PRKAR1B: variants seen among roughly 807,000 people sequenced by gnomAD.
The protein encoded by PRKAR1B is cAMP-dependent protein kinase type I-beta regulatory subunit.
A neutral mutation model predicts 46.5 loss-of-function variants in PRKAR1B; 22 were observed. The ratio of observed to expected loss-of-function variants is 0.47; its 90% confidence interval spans 0.34 to 0.68. The LOEUF (loss-of-function observed/expected upper bound fraction) is 0.68, where lower values mean the gene tolerates loss of function less well. Among genes scored for constraint, PRKAR1B ranks in the 30% least tolerant of loss-of-function variants. The probability of loss-of-function intolerance (pLI) is 0.01; values close to 1 mark genes in which losing one functional copy is unlikely to be tolerated. For synonymous variants in PRKAR1B, 259 were observed against 217.7 expected (o/e 1.19, Z -1.67); for missense variants, 445 against 535.6 (o/e 0.83, Z 1.67).
At chr7:567,795 A>G (rs1036592349) in intron 9 of PRKAR1B, among the ~76,000 whole-genome samples, 2 of 152,140 alleles carry the variant, frequency 1.3e-5, no homozygotes, top group African/African-American at 4.8e-5. Context: ...ATCCTGTCAG[A>G]TCTCCCTTAT....
intron 9 of PRKAR1B, among the ~76,000 whole-genome samples, chr7:574,382 C>A (rs1261321478): frequency 6.6e-6 from 1 of 152,196 alleles, no homozygotes; most frequent in East Asian, 1.9e-4. Flanking sequence ...CTGGGTAGGG[C>A]CAGACAGGGC....
Position 667,406 on chromosome 7 carries a change from T to C in PRKAR1B, c.440+9823A>G, listed in dbSNP as rs2128499310. 6.6e-6 allele frequency among the ~76,000 whole-genome samples: 1 copy of C among 152,312 alleles called. No individual in the cohort carries two copies. The highest frequency in any genetic ancestry group is 1.9e-4 in the East Asian group (1 of 5,182). On this transcript the variant is annotated intron_variant, in intron 4 of 10. Coordinates refer to ENST00000537384, the MANE Select transcript of PRKAR1B (RefSeq NM_001164760.2). This position sits in a 1 kb window ranked among gnomAD's most constrained non-coding sequence, Gnocchi z 4.3. The stretch of plus-strand genomic sequence containing the variant: ...AACTCTCTCCTTCCAAAAGATGTTT[T>C]AAACACACCTTAAATTCTGTGGTAT...
At chr7:728,919 G>A (rs1781462851), upstream of PRKAR1B, among the ~76,000 whole-genome samples, 2 of 151,814 alleles carry the variant, frequency 1.3e-5, no homozygotes, top group South Asian at 2.1e-4. Flanking sequence ...TGGAATAGCC[G>A]TTTCCCAGAC....
At chr7:576,353 C>T (rs1025494514) in intron 9 of PRKAR1B, among the ~76,000 whole-genome samples, 4 of 152,198 alleles carry the variant, frequency 2.6e-5, no homozygotes, top group Non-Finnish European at 5.9e-5. Flanking sequence ...TCATCCTTTC[C>T]CTCCTCCTTC....
At chr7:575,291 G>A (rs1051140811) in intron 9 of PRKAR1B, among the ~76,000 whole-genome samples, 1 of 152,222 alleles carries the variant, frequency 6.6e-6, no homozygotes, top group Non-Finnish European at 1.5e-5. Context: ...CTGGGGCTGC[G>A]CTGGCTGGGT....
At chr7:581,635 T>C (rs1780192201) in intron 8 of PRKAR1B, among the ~76,000 whole-genome samples, 1 of 152,208 alleles carries the variant, frequency 6.6e-6, no homozygotes, top group Admixed American at 6.5e-5. Context: ...TTCTGAGTTC[T>C]AAAAACAAAA....
intron 2 of PRKAR1B, among the ~76,000 whole-genome samples, chr7:693,459 G>C (rs1779553580): frequency 6.6e-6 from 1 of 151,028 alleles, no homozygotes; most frequent in Non-Finnish European, 1.5e-5. Flanking sequence ...CTGTCTCTGT[G>C]CAACTGCCTG....
intron 4 of PRKAR1B, among the ~76,000 whole-genome samples, chr7:628,513 G>A (rs1207453467): frequency 6.6e-6 from 1 of 152,260 alleles, no homozygotes; most frequent in Non-Finnish European, 1.5e-5. Flanking sequence ...GGGTTGCCGG[G>A]CTGGAGCTCC....
At chr7:575,564 G>C (rs549964120) in intron 9 of PRKAR1B, among the ~76,000 whole-genome samples, 1 of 152,240 alleles carries the variant, frequency 6.6e-6, no homozygotes, top group East Asian at 1.9e-4. Flanking sequence ...TTTTGGTTTT[G>C]AGACAGGGTC....
At chr7:711,013 G>C (rs545864394) in intron 2 of PRKAR1B, among the ~76,000 whole-genome samples, 1 of 152,076 alleles carries the variant, frequency 6.6e-6, no homozygotes, top group Non-Finnish European at 1.5e-5. Context: ...ACAAGCTAGC[G>C]AAACACCTGG....
rs1785938830 is a variant in PRKAR1B at position 666,525 on chromosome 7, G to A, written c.440+10704C>T. 6.6e-6 allele frequency among the ~76,000 whole-genome samples: 1 copy of A among 152,188 alleles called. No individual in the cohort carries two copies. Among genetic ancestry groups the A allele is most frequent in the Non-Finnish European group, 1.5e-5 (1 of 68,016 alleles). On this transcript the variant is annotated intron_variant, in intron 4 of 10. Transcript: ENST00000537384. This position sits in a 1 kb window ranked among gnomAD's most constrained non-coding sequence, Gnocchi z 4.9. The stretch of plus-strand genomic sequence containing the variant: ...TGGGAGCTACTCAACTCTGCAGAGG[G>A]GCTGTGCAGGTGCCGTCCCAGGGGA...
intron 4 of PRKAR1B, among the ~76,000 whole-genome samples, chr7:640,068 A>C (rs775961296): frequency 2.6e-5 from 4 of 151,202 alleles, no homozygotes; most frequent in African/African-American, 9.7e-5. Flanking sequence ...GAGGCTGAGG[A>C]AGGAGAATCA....
At chr7:575,194 C>T (rs190505708) in intron 9 of PRKAR1B, among the ~76,000 whole-genome samples, 22 of 152,334 alleles carry the variant, frequency 1.4e-4, no homozygotes, top group Non-Finnish European at 2.4e-4. Flanking sequence ...GTGACCTCAT[C>T]GGAAGACCCA....
In PRKAR1B at chr7:718,591, A is replaced by T. The variant is rs983181005; in HGVS notation, c.-22-7064T>A. ...AGGCTGGTCTCGAACTCCTGACCTC[A>T]GGTGATCCACCCGCCTCAGCCTCTT... On this transcript the variant is annotated intron_variant, in intron 1 of 10. Transcript: ENST00000537384. 6.9e-4 allele frequency among the ~76,000 whole-genome samples: 105 copies of T among 151,948 alleles called. 3 individuals carry two copies. Among genetic ancestry groups the T allele is most frequent in the Admixed American group, 5.9e-4 (9 of 15,258 alleles).
chr7:635,169 G>A (rs1783974969), intron 4 of PRKAR1B, among the ~76,000 whole-genome samples: 1 of 152,160 alleles, frequency 6.6e-6, no homozygotes, highest in African/African-American at 2.4e-5. Context: ...CCAAAAAACC[G>A]GACTTCCAGC....
chr7:692,197 C>G (rs1015654915), intron 2 of PRKAR1B, among the ~76,000 whole-genome samples: 2 of 152,178 alleles, frequency 1.3e-5, no homozygotes, highest in Non-Finnish European at 2.9e-5. Context: ...GTCAGGAGTT[C>G]GAGACCAGCC....
intron 4 of PRKAR1B, among the ~76,000 whole-genome samples, chr7:624,462 G>C (rs1783277084): frequency 6.6e-6 from 1 of 152,064 alleles, no homozygotes; most frequent in Non-Finnish European, 1.5e-5. Context: ...CATGCTCTTT[G>C]AATGGGTTTT....
intron 9 of PRKAR1B, among the ~76,000 whole-genome samples, chr7:559,722 A>G (rs376133857): frequency 2.0e-5 from 3 of 152,200 alleles, no homozygotes; most frequent in Non-Finnish European, 4.4e-5. Flanking sequence ...GAAAAGGCAC[A>G]TGCACCCCAA....
chr7:712,540 G>C (rs1164382883), intron 1 of PRKAR1B: 2 of 136,578 alleles, frequency 1.5e-5, no homozygotes, highest in Non-Finnish European at 3.2e-5. Context: ...CCCCCGCGCC[G>C]CGCGCAGCTG....
Sources: gnomAD v4.1 joint callset for allele counts (sites outside exome capture counted in the v4.1 genomes callset) on GRCh38, gnomAD v4.1.1 for gene constraint, Gnocchi (gnomAD v3.1) non-coding constraint, MANE v1.5 for transcripts, NCBI Gene and HGNC (gene_info 2026-07-23, HGNC 2026-07-21) for gene names.